Variants in TNS3 observed in about 807,000 individuals in gnomAD.
TNS3 encodes the protein tensin 3, also known as tensin-3.
Under a neutral mutation model 140.9 loss-of-function variants are expected in TNS3, and 45 were observed. The observed-to-expected ratio is 0.32, with a 90% confidence interval of 0.25 to 0.41. TNS3 has a LOEUF of 0.41. TNS3 is among the 10% of genes least tolerant of loss of function. The pLI is 1.00. For missense variants in TNS3, 1,716 were observed against 1,906.7 expected, an observed-to-expected ratio of 0.90 and a Z score of 1.86; for synonymous variants, 815 against 788.4, an observed-to-expected ratio of 1.03 and a Z score of -0.56.
intron 3 of TNS3, among the ~76,000 whole-genome samples, chr7:47,501,737 G>A (rs1005507409): frequency 6.6e-6 from 1 of 152,184 alleles, no homozygotes; most frequent in Non-Finnish European, 1.5e-5. Context: ...GGGAATTGGG[G>A]AGAGATACTG....
intron 1 of TNS3, among the ~76,000 whole-genome samples, chr7:47,564,212 A>AC (rs1554357679): frequency 1.3e-5 from 2 of 150,686 alleles, no homozygotes; most frequent in African/African-American, 4.9e-5. Flanking sequence ...AAAAAAAAAA[A>AC]ACCATTTAAA....
At chr7:47,309,974 G>C (rs1235779180) in intron 20 of TNS3, among the ~76,000 whole-genome samples, 4 of 152,234 alleles carry the variant, frequency 2.6e-5, no homozygotes, top group Admixed American at 2.6e-4. Context: ...AGGGAAGGGA[G>C]CAGGAGATCC....
At chr7:47,356,064 C>T (rs1224064741) in intron 17 of TNS3, among the ~76,000 whole-genome samples, 2 of 152,206 alleles carry the variant, frequency 1.3e-5, no homozygotes, top group Admixed American at 6.5e-5. Context: ...ATAACCAATA[C>T]GTGACTGTTG....
intron 2 of TNS3, among the ~76,000 whole-genome samples, chr7:47,516,539 G>A (rs1381930910): frequency 6.6e-6 from 1 of 152,168 alleles, no homozygotes; most frequent in Admixed American, 6.5e-5. Context: ...AACTCAATGA[G>A]CTGCAGCATC....
chr7:47,360,916 T>C (rs1368010759), intron 17 of TNS3, among the ~76,000 whole-genome samples: 2 of 151,948 alleles, frequency 1.3e-5, no homozygotes, highest in Non-Finnish European at 1.5e-5. Context: ...ATCCCCTGTG[T>C]CCCTAGCACG....
chr7:47,518,967 G>C (rs185392804), intron 2 of TNS3, among the ~76,000 whole-genome samples: 1 of 152,108 alleles, frequency 6.6e-6, no homozygotes, highest in Non-Finnish European at 1.5e-5. Context: ...AATCAGCTGC[G>C]GCACTGACTA....
At chr7:47,318,025 TAC>T (rs780806167) in intron 20 of TNS3, among the ~76,000 whole-genome samples, 5 of 152,230 alleles carry the variant, frequency 3.3e-5, no homozygotes, top group Non-Finnish European at 7.3e-5. Flanking sequence ...CACTTTTTCG[TAC>T]ACCAACTATC....
intron 16 of TNS3, among the ~76,000 whole-genome samples, chr7:47,391,305 T>C (rs1214039896): frequency 6.6e-6 from 1 of 152,206 alleles, no homozygotes; most frequent in Non-Finnish European, 1.5e-5. Context: ...CAACAACTGA[T>C]GTATATCTGT....
intron 1 of TNS3, among the ~76,000 whole-genome samples, chr7:47,562,631 C>T (rs894164724): frequency 9.2e-5 from 14 of 152,090 alleles, no homozygotes; most frequent in African/African-American, 3.1e-4. Flanking sequence ...GGTGATCTGC[C>T]GCCTTGGTCT....
chr7:47,302,086 C>T (rs933365286), intron 23 of TNS3, 100 bp downstream of exon 23: 14 of 954,362 alleles, frequency 1.5e-5, no homozygotes, highest in South Asian at 1.1e-4. Context: ...ATGAAGGCCA[C>T]GGCTGCCCGA....
intron 25 of TNS3, 63 bp from the exon 26 acceptor site, chr7:47,292,968 A>C (rs1230697625): frequency 6.9e-7 from 1 of 1,442,724 alleles, no homozygotes; most frequent in Non-Finnish European, 9.7e-7. Flanking sequence ...GTGCTCAGCC[A>C]ATTTATCAGC....
At chr7:47,570,146 G>A (rs1397878966) in intron 1 of TNS3, among the ~76,000 whole-genome samples, 8 of 152,210 alleles carry the variant, frequency 5.3e-5, no homozygotes, top group African/African-American at 1.9e-4. Flanking sequence ...GCGAGACTCC[G>A]TCTCAATAAA....
intron 16 of TNS3, among the ~76,000 whole-genome samples, chr7:47,376,815 T>C (rs1487896729): frequency 1.3e-5 from 2 of 151,936 alleles, no homozygotes. Flanking sequence ...CTTTCCTCCC[T>C]AACTCCTAAA....
At chr7:47,391,300 A>G (rs906295160) in intron 16 of TNS3, among the ~76,000 whole-genome samples, 6 of 152,208 alleles carry the variant, frequency 3.9e-5, no homozygotes, top group African/African-American at 1.4e-4. Context: ...TGTGGCAACA[A>G]CTGATGTATA....
At chr7:47,352,072 C>A (rs1441292658) in intron 17 of TNS3, among the ~76,000 whole-genome samples, 4 of 148,240 alleles carry the variant, frequency 2.7e-5, no homozygotes, top group Non-Finnish European at 5.9e-5. Context: ...TGCACACACA[C>A]TCTTACACCC....
At chr7:47,367,042 T>G (rs541862200) in intron 17 of TNS3, among the ~76,000 whole-genome samples, 1 of 152,320 alleles carries the variant, frequency 6.6e-6, no homozygotes, top group East Asian at 1.9e-4. Flanking sequence ...TGGGAGGCCC[T>G]GGCACCACAC....
chr7:47,472,490 G>C (rs951175178), intron 4 of TNS3, among the ~76,000 whole-genome samples: 1 of 152,190 alleles, frequency 6.6e-6, no homozygotes, highest in Non-Finnish European at 1.5e-5. Context: ...AAAGGCACGT[G>C]CACAGGGATA....
chr7:47,473,470 A>G (rs920861381), intron 4 of TNS3, among the ~76,000 whole-genome samples: 1 of 152,236 alleles, frequency 6.6e-6, no homozygotes, highest in African/African-American at 2.4e-5. Flanking sequence ...CGGTGAATCC[A>G]GAAACCATGA....
intron 20 of TNS3, among the ~76,000 whole-genome samples, chr7:47,322,662 T>C (rs757055352): frequency 4.6e-5 from 7 of 152,184 alleles, no homozygotes; most frequent in Non-Finnish European, 1.5e-5. Context: ...AGCCTGTATA[T>C]GACGAACATA....
Sources: gnomAD v4.1 joint callset for allele counts (sites outside exome capture counted in the v4.1 genomes callset) on GRCh38, gnomAD v4.1.1 for gene constraint, MANE v1.5 for transcripts, NCBI Gene and HGNC (gene_info 2026-07-23, HGNC 2026-07-21) for gene names.